The following CCDC170 variants were observed in gnomAD, a reference collection of about 807,000 sequenced individuals.
CCDC170 encodes coiled-coil domain-containing protein 170.
CCDC170 carries 69 observed loss-of-function variants against 72.6 expected under a neutral mutation model. The ratio of observed to expected loss-of-function variants is 0.95; its 90% CI spans 0.78 to 1.16. The LOEUF is 1.16. Ranked by LOEUF, CCDC170 falls within the 50% of genes most tolerant of loss-of-function variation. The pLI is 0.00. For synonymous variants in CCDC170, 300 were observed against 303.9 expected (o/e 0.99, Z 0.13); for missense variants, 852 against 832.5 (o/e 1.02, Z -0.29).
At chr6:151,504,689 G>T (rs1782041552) in intron 1 of CCDC170, among the ~76,000 whole-genome samples, 1 of 151,918 alleles carries the variant, frequency 6.6e-6, no homozygotes, top group African/African-American at 2.4e-5. Flanking sequence ...TGGTCAGGGG[G>T]TAATGCTGAC....
Position 151,544,651 on chromosome 6 carries a change from CT to C in CCDC170, c.524del (p.Leu175ArgfsTer19). 6.2e-7 allele frequency: 1 copy of C among 1,613,720 alleles called. No homozygotes were observed. The highest frequency in any genetic ancestry group is 1.1e-5 in the South Asian group (1 of 91,034). ...CRKHEEFLTQ[L>X]RDCLDPDERN... ...GAAACATGAGGAATTTCTGACTCAA[CT>C]GCGTGACTGCTTGGATCCAGATGAG... is the stretch of plus-strand genomic sequence containing the variant. On this transcript the variant is annotated frameshift_variant, in exon 4 of 11. Coordinates refer to ENST00000239374, the MANE Select transcript of CCDC170 (RefSeq NM_025059.4). LOFTEE classifies it high-confidence loss of function.
intron 4 of CCDC170, among the ~76,000 whole-genome samples, chr6:151,545,358 C>T (rs993376383): frequency 6.6e-6 from 1 of 151,888 alleles, no homozygotes. Context: ...GCGGAGGTTG[C>T]AGTGAGATCA....
intron 6 of CCDC170, among the ~76,000 whole-genome samples, chr6:151,578,990 T>C (rs552205712): frequency 6.6e-6 from 1 of 152,198 alleles, no homozygotes; most frequent in Admixed American, 6.5e-5. Flanking sequence ...ACTTTACTTC[T>C]AAAAACCATG....
chr6:151,578,647 C>T (rs187984118), intron 6 of CCDC170, among the ~76,000 whole-genome samples: 127 of 152,154 alleles, frequency 8.3e-4, no homozygotes, highest in Non-Finnish European at 1.4e-3. Context: ...TAATTTAACT[C>T]AAAACAAAAG....
chr6:151,567,969 G>A (rs1776162305), intron 5 of CCDC170, among the ~76,000 whole-genome samples: 1 of 69,904 alleles, frequency 1.4e-5, no homozygotes, highest in Admixed American at 1.8e-4. Context: ...AAATTAGCTG[G>A]GCATGGTGGC....
chr6:151,516,968 C>T (rs1045148073), intron 1 of CCDC170, among the ~76,000 whole-genome samples: 1 of 152,228 alleles, frequency 6.6e-6, no homozygotes, highest in Non-Finnish European at 1.5e-5. Flanking sequence ...TGCCAACTTC[C>T]ACCCATGCAA....
At chr6:151,561,898 A>G (rs1300792897) in intron 5 of CCDC170, among the ~76,000 whole-genome samples, 1 of 152,104 alleles carries the variant, frequency 6.6e-6, no homozygotes, top group East Asian at 1.9e-4. Context: ...TATTTCTCAA[A>G]AACTCTGTTC....
At chr6:151,606,432 A>G (rs1056157495) in intron 9 of CCDC170, among the ~76,000 whole-genome samples, 1 of 152,120 alleles carries the variant, frequency 6.6e-6, no homozygotes, top group Non-Finnish European at 1.5e-5. Context: ...AGAATTTCCA[A>G]AGTTTCTCTT....
At chr6:151,550,920 G>A (rs1048095755) in intron 5 of CCDC170, among the ~76,000 whole-genome samples, 1 of 152,122 alleles carries the variant, frequency 6.6e-6, no homozygotes, top group African/African-American at 2.4e-5. Context: ...ATCACATTGG[G>A]GGTTAGGACT....
chr6:151,584,833 C>T (rs116094014), intron 6 of CCDC170, among the ~76,000 whole-genome samples: 2,344 of 152,180 alleles, frequency 0.015, 70 homozygotes, highest in African/African-American at 0.054. Context: ...TGTTTAAGCA[C>T]GGCTGTTTAT....
intron 6 of CCDC170, among the ~76,000 whole-genome samples, chr6:151,574,236 G>T (rs1776270097): frequency 6.6e-6 from 1 of 152,156 alleles, no homozygotes; most frequent in Non-Finnish European, 1.5e-5. Flanking sequence ...TTTAAATGTG[G>T]TTGTATTAAT....
chr6:151,584,997 A>G (rs1776432600), intron 6 of CCDC170, among the ~76,000 whole-genome samples: 1 of 152,230 alleles, frequency 6.6e-6, no homozygotes, highest in Non-Finnish European at 1.5e-5. Context: ...ATCGAAAGAA[A>G]ACAAATTTAT....
chr6:151,500,579 T>C (rs902909147), intron 1 of CCDC170, among the ~76,000 whole-genome samples: 2 of 151,854 alleles, frequency 1.3e-5, no homozygotes, highest in Non-Finnish European at 2.9e-5. Context: ...AAAGTAAAAG[T>C]GTATAAAAAT....
chr6:151,615,113 T>C (rs1776936655), intron 9 of CCDC170, among the ~76,000 whole-genome samples: 1 of 152,218 alleles, frequency 6.6e-6, no homozygotes, highest in South Asian at 2.1e-4. Context: ...AAGTTGAAGG[T>C]GCTTTTGCTT....
At chr6:151,494,218 T>C in intron 1 of CCDC170, 33 bp downstream of exon 1, 1 of 1,488,500 alleles carries the variant, frequency 6.7e-7, no homozygotes. Context: ...CGCGCGGGGG[T>C]GGCCCTGGGG....
At chr6:151,600,936 T>G (rs958746055) in intron 9 of CCDC170, among the ~76,000 whole-genome samples, 7 of 152,194 alleles carry the variant, frequency 4.6e-5, no homozygotes, top group African/African-American at 1.7e-4. Flanking sequence ...CCAGTCATCT[T>G]TCTGTCTTTA....
Position 151,615,450 on chromosome 6 carries a change from C to T in CCDC170, c.1718C>T (p.Thr573Ile). 4 of 1,611,152 alleles carry T rather than the reference C, an allele frequency of 2.5e-6. No individual in the cohort carries two copies. Among genetic ancestry groups the T allele is most frequent in the Non-Finnish European group, 3.4e-6 (4 of 1,177,860 alleles). The change falls in exon 10 of 11, where the codon ACT becomes ATT. Residue 573 changes from threonine (T) to isoleucine (I), a missense_variant. By Grantham distance (89) the Thr-to-Ile change is moderately conservative. Coordinates refer to ENST00000239374, the MANE Select transcript of CCDC170 (RefSeq NM_025059.4). ...LADTNELKIKTLEQTKAIEDL... is the reference protein window; with the variant it reads ...LADTNELKIKILEQTKAIEDL... Reference sequence around the variant, plus strand: ...ATTCTCTTGACTTTCTAGATTAAAACTTTGGAACAGACTAAAGCCATTGAA... The same window carrying T: ...ATTCTCTTGACTTTCTAGATTAAAATTTTGGAACAGACTAAAGCCATTGAA...
At chr6:151,569,654 C>T (rs9479072) in intron 5 of CCDC170, among the ~76,000 whole-genome samples, 65,275 of 152,040 alleles carry the variant, frequency 0.43, 17,518 homozygotes, top group Non-Finnish European at 0.6. Flanking sequence ...CCGCTTGCTT[C>T]GGCGTATCCT....
chr6:151,526,115 CCTTT>C (rs930561735), intron 1 of CCDC170, among the ~76,000 whole-genome samples: 21 of 147,426 alleles, frequency 1.4e-4, no homozygotes, highest in African/African-American at 4.7e-4. Context: ...TTCCTTCCTT[CCTTT>C]CTTCCTTCCT....
Sources: gnomAD v4.1 joint callset for allele counts (sites outside exome capture counted in the v4.1 genomes callset) on GRCh38, gnomAD v4.1.1 for gene constraint, MANE v1.5 for transcripts, NCBI Gene and HGNC (gene_info 2026-07-23, HGNC 2026-07-21) for gene names.